UNC13C: variants seen among roughly 807,000 people sequenced by gnomAD.
UNC13C encodes the protein protein unc-13 homolog C.
Under a neutral mutation model 245.4 loss-of-function variants are expected in UNC13C, and 174 were observed. The observed-to-expected ratio is 0.71, with a 90% CI of 0.63 to 0.80. The LOEUF is 0.80. Among genes scored for constraint, UNC13C ranks in the 30% least tolerant of loss-of-function variants. The pLI is 0.00. For missense variants in UNC13C, 2,829 were observed against 2,602.9 expected (o/e 1.09, Z -1.89); for synonymous variants, 992 against 895.1 (o/e 1.11, Z -1.93).
chr15:54,289,895 A>G (rs2037252753), intron 10 of UNC13C, among the ~76,000 whole-genome samples: 1 of 152,090 alleles, frequency 6.6e-6, no homozygotes, highest in African/African-American at 2.4e-5. Context: ...AAATACCTGG[A>G]ACATAGCTAC....
At chr15:53,988,102 CTT>C (rs1894226922) in intron 1 of UNC13C, among the ~76,000 whole-genome samples, 2 of 151,962 alleles carry the variant, frequency 1.3e-5, no homozygotes, top group African/African-American at 4.8e-5. Context: ...TCTGGCTTCT[CTT>C]CTATTTTCAC....
At chr15:54,092,860 T>G (rs1899646863) in intron 2 of UNC13C, among the ~76,000 whole-genome samples, 1 of 152,114 alleles carries the variant, frequency 6.6e-6, no homozygotes, top group Admixed American at 6.5e-5. Context: ...CCAAAAATGG[T>G]TTTTAAACTT....
chr15:54,237,491 T>C (rs1035073926), intron 6 of UNC13C, 128 bp from the exon 7 acceptor site: 3 of 747,968 alleles, frequency 4.0e-6, no homozygotes, highest in Non-Finnish European at 7.2e-6. Flanking sequence ...ATTACCAAAA[T>C]GGCAGGTCCT....
intron 19 of UNC13C, among the ~76,000 whole-genome samples, chr15:54,470,938 T>G (rs1892429958): frequency 1.3e-5 from 2 of 151,394 alleles, no homozygotes; most frequent in Non-Finnish European, 1.5e-5. Context: ...TCTCAAGATA[T>G]TTTCAAATTT....
In UNC13C at chr15:54,455,235, AT is replaced by A. The variant is rs1567289223; in HGVS notation, c.4934-39372del. 2.0e-3 allele frequency among the ~76,000 whole-genome samples: 189 copies of A among 93,980 alleles called. 34 individuals are homozygous for A. The highest frequency in any genetic ancestry group is 3.0e-3 in the African/African-American group (70 of 23,416). 61.7% of individuals were successfully genotyped at this position (93,980 alleles called of 152,430 possible). On this transcript the variant is annotated intron_variant, in intron 19 of 32. Coordinates refer to ENST00000260323, the MANE Select transcript of UNC13C (RefSeq NM_001080534.3). ...TATATATATATATATATATATATAT[AT>A]ATGTTTTTTAATCCACTCATTGGTA...
chr15:54,165,433 C>T (rs9920580), intron 4 of UNC13C, among the ~76,000 whole-genome samples: 6,306 of 152,038 alleles, frequency 0.041, 414 homozygotes, highest in African/African-American at 0.14. Context: ...AAGTGGTTCC[C>T]ATTGCTGCAA....
intron 4 of UNC13C, among the ~76,000 whole-genome samples, chr15:54,190,457 G>A (rs1465045964): frequency 1.3e-5 from 2 of 152,036 alleles, no homozygotes; most frequent in South Asian, 4.2e-4. Flanking sequence ...GATGTTCTAT[G>A]TACATCAAGC....
intron 18 of UNC13C, among the ~76,000 whole-genome samples, chr15:54,406,317 C>A (rs1263285223): frequency 6.6e-6 from 1 of 152,162 alleles, no homozygotes; most frequent in Non-Finnish European, 1.5e-5. Context: ...AAGGATGCTT[C>A]TTTCTTTCCT....
intron 19 of UNC13C, among the ~76,000 whole-genome samples, chr15:54,450,385 C>T (rs1307622927): frequency 6.6e-6 from 1 of 152,222 alleles, no homozygotes; most frequent in East Asian, 1.9e-4. Flanking sequence ...TCTACAGAGG[C>T]CGGCAGGCCT....
intron 30 of UNC13C, among the ~76,000 whole-genome samples, chr15:54,613,802 T>C (rs1900257191): frequency 6.6e-6 from 1 of 152,084 alleles, no homozygotes; most frequent in Non-Finnish European, 1.5e-5. Context: ...TGTGTCACTG[T>C]GTATTTGGCA....
intron 4 of UNC13C, among the ~76,000 whole-genome samples, chr15:54,147,789 C>CATGTGT (rs71132783): frequency 0.27 from 39,753 of 147,576 alleles, 5,310 homozygotes; most frequent in South Asian, 0.34. Context: ...AAGGTGTGTG[C>CATGTGT]GTGTGTGTGT....
intron 19 of UNC13C, among the ~76,000 whole-genome samples, chr15:54,460,167 A>C (rs921817507): frequency 2.6e-5 from 4 of 152,118 alleles, no homozygotes; most frequent in Admixed American, 6.5e-5. Context: ...TGCCCTTCTA[A>C]GTTTGTCCAC....
At chr15:54,375,508 A>G (rs1304816426) in intron 17 of UNC13C, among the ~76,000 whole-genome samples, 1 of 152,184 alleles carries the variant, frequency 6.6e-6, no homozygotes, top group Non-Finnish European at 1.5e-5. Context: ...CATTTAGATT[A>G]TTTTGTATGT....
chr15:54,204,845 T>G (rs2034657513), intron 4 of UNC13C, among the ~76,000 whole-genome samples: 2 of 151,626 alleles, frequency 1.3e-5, no homozygotes, highest in Non-Finnish European at 2.9e-5. Context: ...TTGGAAATCT[T>G]TTTTGAACTG....
intron 17 of UNC13C, among the ~76,000 whole-genome samples, chr15:54,352,728 C>T (rs763482199): frequency 3.2e-4 from 49 of 152,054 alleles, no homozygotes; most frequent in Middle Eastern, 3.2e-3. Context: ...CCAATTTCCC[C>T]TTGCTCTCTC....
chr15:54,078,693 C>T (rs951281603), intron 2 of UNC13C, among the ~76,000 whole-genome samples: 3 of 150,814 alleles, frequency 2.0e-5, no homozygotes, highest in African/African-American at 7.3e-5. Flanking sequence ...TTTCTGATTT[C>T]CTTAAGTTTC....
At chr15:54,099,108 G>A (rs1260926353) in intron 2 of UNC13C, among the ~76,000 whole-genome samples, 1 of 152,206 alleles carries the variant, frequency 6.6e-6, no homozygotes, top group Non-Finnish European at 1.5e-5. Flanking sequence ...ATCACTTGAT[G>A]AGCTAGTAAA....
intron 4 of UNC13C, among the ~76,000 whole-genome samples, chr15:54,214,190 C>T (rs945428762): frequency 2.6e-5 from 4 of 151,812 alleles, no homozygotes; most frequent in African/African-American, 9.7e-5. Context: ...AATAATGAGA[C>T]AACAACGGAA....
intron 17 of UNC13C, among the ~76,000 whole-genome samples, chr15:54,374,192 C>T (rs1252752934): frequency 1.3e-5 from 2 of 152,092 alleles, no homozygotes. Flanking sequence ...TATGAGAGGG[C>T]CCAGAAAAAG....
Sources: gnomAD v4.1 joint callset for allele counts (sites outside exome capture counted in the v4.1 genomes callset) on GRCh38, gnomAD v4.1.1 for gene constraint, MANE v1.5 for transcripts, NCBI Gene and HGNC (gene_info 2026-07-23, HGNC 2026-07-21) for gene names.